The following ZNF536 variants were observed in gnomAD, a reference collection of about 807,000 sequenced individuals.
ZNF536 encodes the protein zinc finger protein 536.
ZNF536 carries 13 observed loss-of-function variants against 84.5 expected under a neutral mutation model. The ratio of observed to expected loss-of-function variants is 0.15; its 90% CI spans 0.10 to 0.24. ZNF536 has a LOEUF of 0.24. Ranked by LOEUF, ZNF536 falls within the 10% of genes least tolerant of loss-of-function variation. The pLI is 1.00. For missense variants in ZNF536, 1,536 were observed against 1,747.5 expected, an observed-to-expected ratio of 0.88 and a Z score of 2.16; for synonymous variants, 811 against 742.5, an observed-to-expected ratio of 1.09 and a Z score of -1.50.
At chr19:30,266,350 G>A (rs552756942) in intron 1 of ZNF536, among the ~76,000 whole-genome samples, 3 of 152,252 alleles carry the variant, frequency 2.0e-5, no homozygotes, top group African/African-American at 7.2e-5. Flanking sequence ...ACCTGGCCAA[G>A]GTAACTTCTC....
chr19:30,668,228 A>C (rs1289186893), intron 1 of ZNF536, among the ~76,000 whole-genome samples: 1 of 152,032 alleles, frequency 6.6e-6, no homozygotes, highest in African/African-American at 2.4e-5. Flanking sequence ...TTTGCCCTGG[A>C]GACTCTACAC....
chr19:30,544,852 C>T (rs1417526023), intron 3 of ZNF536, among the ~76,000 whole-genome samples: 1 of 152,194 alleles, frequency 6.6e-6, no homozygotes, highest in Non-Finnish European at 1.5e-5. Flanking sequence ...TGTGCTTCAA[C>T]ATGTCTTATT....
intron 1 of ZNF536, among the ~76,000 whole-genome samples, chr19:30,282,345 G>A (rs530637286): frequency 6.6e-6 from 1 of 152,352 alleles, no homozygotes; most frequent in Non-Finnish European, 1.5e-5. Flanking sequence ...CGAGGCTTGT[G>A]CTGGGCCCTT....
chr19:30,512,245 T>C (rs2055442888), intron 2 of ZNF536, among the ~76,000 whole-genome samples: 1 of 152,184 alleles, frequency 6.6e-6, no homozygotes, highest in East Asian at 1.9e-4. Flanking sequence ...AAAATTGTTT[T>C]ATTAGGGGAC....
At chr19:30,552,679 G>A (rs1247966619) in intron 4 of ZNF536, among the ~76,000 whole-genome samples, 2 of 152,138 alleles carry the variant, frequency 1.3e-5, no homozygotes, top group Non-Finnish European at 2.9e-5. Flanking sequence ...TAGAGCCAGG[G>A]TCCTGGCCAG....
At chr19:30,423,133 C>CCATG (rs1298069231) in intron 1 of ZNF536, among the ~76,000 whole-genome samples, 17 of 140,958 alleles carry the variant, frequency 1.2e-4, no homozygotes, top group African/African-American at 1.6e-4. Context: ...ATCCATCCAT[C>CCATG]CATCCATCCA....
chr19:30,519,492 G>C lies in ZNF536; in HGVS notation c.2171-15355G>C, dbSNP rs569458118. Among the ~76,000 whole-genome samples, 3 of 152,318 alleles carry C rather than the reference G, an allele frequency of 2.0e-5. 1 individual carries two copies. In the South Asian group the frequency reaches 6.2e-4, roughly 32 times the overall value. On this transcript the variant is annotated intron_variant, in intron 2 of 4. Coordinates refer to ENST00000355537, the MANE Select transcript of ZNF536 (RefSeq NM_014717.3). ...GCTGCAGTCTGCAGCTGCAAGAGGA[G>C]GGGGCTGGACTGATGGACCACAAGG...
intron 1 of ZNF536, among the ~76,000 whole-genome samples, chr19:30,251,346 A>C (rs968323158): frequency 2.0e-5 from 3 of 152,172 alleles, no homozygotes; most frequent in Non-Finnish European, 4.4e-5. Flanking sequence ...CTCAATTCCC[A>C]TATGGATGGT....
At chr19:30,489,911 C>T (rs1025991511) in intron 2 of ZNF536, among the ~76,000 whole-genome samples, 3 of 152,168 alleles carry the variant, frequency 2.0e-5, no homozygotes, top group Non-Finnish European at 4.4e-5. Context: ...TCTGAATTTC[C>T]AATATGGTAC....
At chr19:30,226,628 C>CCCCAGCCGGGCCTCGGCCTGGGGG (rs1365783365), upstream of ZNF536, among the ~76,000 whole-genome samples, 1 of 152,092 alleles carries the variant, frequency 6.6e-6, no homozygotes, top group Non-Finnish European at 1.5e-5. The surrounding 1 kb of genome is among the most constrained non-coding windows in gnomAD (Gnocchi z 4.6). Context: ...GCAGCACCTG[C>CCCCAGCCGGGCCTCGGCCTGGGGG]CCCAGCCGGG....
In ZNF536 at chr19:30,294,507, A is replaced by C. The variant is rs533265184; in HGVS notation, c.-120+10366A>C. ...AAAATGTAAGTATGGCATATGTGGG[A>C]ATCATTCACCAAATTTCTGTTTCTC... On this transcript the variant is annotated intron_variant, in intron 2 of 5. Transcript: ENST00000585628. Among the ~76,000 whole-genome samples, 30 of 151,728 alleles carry C rather than the reference A, an allele frequency of 2.0e-4. No homozygotes were observed. The South Asian group carries it at 5.6e-3, about 28-fold the overall frequency.
intron 2 of ZNF536, among the ~76,000 whole-genome samples, chr19:30,471,220 G>C (rs544691204): frequency 6.6e-6 from 1 of 152,142 alleles, no homozygotes; most frequent in Non-Finnish European, 1.5e-5. Flanking sequence ...TCATCACATC[G>C]TGTCCTATTA....
At chr19:30,679,347 G>A (rs768621506) in intron 1 of ZNF536, among the ~76,000 whole-genome samples, 8 of 152,232 alleles carry the variant, frequency 5.3e-5, no homozygotes, top group Non-Finnish European at 8.8e-5. Flanking sequence ...GCCCTGGGCC[G>A]GGAAGGAAGG....
rs763028812 is a variant in ZNF536, at chr19:30,548,535, G to A, written c.2916G>A (p.Gln972=). The change falls in exon 4 of 5, where the codon CAG becomes CAA. Residue 972 remains glutamine (Q), a synonymous_variant. Transcript: ENST00000355537. The part of the protein sequence containing the change: ...KSSQRKSEKS[Q]YEPLDLSVRP... ...CCCAGAGGAAGTCCGAGAAATCTCA[G>A]TATGAACCCCTGGACTTGTCTGTGC... The A allele has an allele frequency of 3.1e-6, 5 of 1,614,146 alleles. No individual in the cohort carries two copies. The highest frequency in any genetic ancestry group is 1.3e-5 in the African/African-American group (1 of 75,062).
chr19:30,703,367 A>C (rs1347537972), intron 1 of ZNF536, among the ~76,000 whole-genome samples: 1 of 152,118 alleles, frequency 6.6e-6, no homozygotes, highest in Non-Finnish European at 1.5e-5. Context: ...CACAGCCCGC[A>C]CTGCCTCCCA....
At chr19:30,259,647 C>T (rs921692331) in intron 1 of ZNF536, among the ~76,000 whole-genome samples, 1 of 152,180 alleles carries the variant, frequency 6.6e-6, no homozygotes, top group African/African-American at 2.4e-5. Context: ...CCATCATCTC[C>T]TAGTGTCATC....
At chr19:30,315,944 A>G (rs1274707894) in intron 2 of ZNF536, among the ~76,000 whole-genome samples, 1 of 152,228 alleles carries the variant, frequency 6.6e-6, no homozygotes, top group Non-Finnish European at 1.5e-5. Flanking sequence ...TCAAAACATC[A>G]GATACATAGG....
At chr19:30,349,422 A>G (rs1334191037) in intron 2 of ZNF536, among the ~76,000 whole-genome samples, 2 of 152,094 alleles carry the variant, frequency 1.3e-5, no homozygotes, top group Non-Finnish European at 2.9e-5. Context: ...CTTATACTGG[A>G]GTTAACTTCC....
chr19:30,482,253 C>A (rs1259279266), intron 2 of ZNF536, among the ~76,000 whole-genome samples: 4 of 152,160 alleles, frequency 2.6e-5, no homozygotes, highest in Non-Finnish European at 5.9e-5. Context: ...TTTAAGGAAT[C>A]TTCTGTTTTC....
Sources: gnomAD v4.1 joint callset for allele counts (sites outside exome capture counted in the v4.1 genomes callset) on GRCh38, gnomAD v4.1.1 for gene constraint, Gnocchi (gnomAD v3.1) non-coding constraint, MANE v1.5 for transcripts, NCBI Gene and HGNC (gene_info 2026-07-23, HGNC 2026-07-21) for gene names.